Variants in TLR6 observed in about 807,000 individuals in gnomAD.
TLR6 encodes toll-like receptor 6.
TLR6 carries 9 observed loss-of-function variants against 16.1 expected under a neutral mutation model. The ratio of observed to expected loss-of-function variants is 0.56; its 90% confidence interval spans 0.34 to 0.98. TLR6 has a LOEUF of 0.98. Ranked by LOEUF, TLR6 falls within the 50% of genes least tolerant of loss-of-function variation. The pLI is 0.02. For synonymous variants in TLR6, 340 were observed against 338.6 expected, an observed-to-expected ratio of 1.00 and a Z score of -0.04; for missense variants, 786 against 921.0, an observed-to-expected ratio of 0.85 and a Z score of 1.90.
intron 1 of TLR6, among the ~76,000 whole-genome samples, chr4:38,853,350 G>A (rs1712844755): frequency 6.6e-6 from 1 of 150,968 alleles, no homozygotes; most frequent in African/African-American, 2.4e-5. Flanking sequence ...TGCATGTTGT[G>A]CACATGTACC....
chr4:38,861,119 A>G (rs1713184737), upstream of TLR6, among the ~76,000 whole-genome samples: 1 of 151,670 alleles, frequency 6.6e-6, no homozygotes, highest in Non-Finnish European at 1.5e-5. Flanking sequence ...CTACTTCCAG[A>G]TCACTTTCCT....
At chr4:38,844,769 A>G (rs1455768694) in intron 1 of TLR6, among the ~76,000 whole-genome samples, 1 of 152,202 alleles carries the variant, frequency 6.6e-6, no homozygotes, top group Non-Finnish European at 1.5e-5. Flanking sequence ...AAATGTTCTA[A>G]GAGACCTGGC....
the TLR6 span, among the ~76,000 whole-genome samples, chr4:38,865,215 C>T: frequency 6.6e-6 from 1 of 152,010 alleles, no homozygotes; most frequent in Non-Finnish European, 1.5e-5. Flanking sequence ...ATATTTTTTA[C>T]ACAAATAAGT....
chr4:38,847,435 G>A (rs1000756273), intron 1 of TLR6, among the ~76,000 whole-genome samples: 1 of 152,134 alleles, frequency 6.6e-6, no homozygotes, highest in Non-Finnish European at 1.5e-5. Context: ...CGGACAGTGG[G>A]GGCAGGACAG....
upstream of TLR6, among the ~76,000 whole-genome samples, chr4:38,859,968 A>G (rs150336619): frequency 1.5e-3 from 235 of 152,254 alleles, 1 homozygote; most frequent in African/African-American, 5.1e-3. Context: ...TGGGTTAAGT[A>G]TTATAAACAT....
At chr4:38,847,720 G>C (rs1443730127) in intron 1 of TLR6, among the ~76,000 whole-genome samples, 4 of 152,244 alleles carry the variant, frequency 2.6e-5, no homozygotes, top group South Asian at 4.1e-4. Flanking sequence ...CTGCAAGGTG[G>C]CAGTGAGGCT....
chr4:38,826,567 CAGGATAAA>C (rs1214643095), exon 2 of TLR6: 2 of 152,842 alleles, frequency 1.3e-5, no homozygotes, highest in Non-Finnish European at 2.9e-5. Context: ...ATTTGTGTAG[CAGGATAAA>C]AAATTAAATA....
chr4:38,831,596 A>G (rs1443906769), intron 1 of TLR6, among the ~76,000 whole-genome samples: 1 of 152,210 alleles, frequency 6.6e-6, no homozygotes, highest in Non-Finnish European at 1.5e-5. Flanking sequence ...CAGAGAAGAT[A>G]TTTGCAAAAC....
exon 2 of TLR6, chr4:38,826,799 T>G: frequency 4.0e-6 from 1 of 251,766 alleles, no homozygotes. Flanking sequence ...ACAGAATCCA[T>G]TTGGGAAAGC....
rs1712211171 is a variant in TLR6 at position 38,840,608 on chromosome 4, T to C, written c.-64-11071A>G. 2.0e-5 allele frequency among the ~76,000 whole-genome samples: 3 copies of C among 146,476 alleles called. No homozygotes were observed. In the Admixed American group the frequency reaches 2.1e-4, roughly 10 times the overall value. Reference sequence around the variant, plus strand: ...GAGATCGCGCCATTACACTCCAGCCTGGGTGACAGGGCAAGACTCCCTCTC... The same window carrying C: ...GAGATCGCGCCATTACACTCCAGCCCGGGTGACAGGGCAAGACTCCCTCTC... On this transcript the variant is annotated intron_variant, in intron 1 of 1. Coordinates refer to ENST00000436693, the Ensembl canonical transcript of TLR6.
At chr4:38,859,107 T>G (rs1213495746), upstream of TLR6, among the ~76,000 whole-genome samples, 1 of 152,208 alleles carries the variant, frequency 6.6e-6, no homozygotes, top group East Asian at 1.9e-4. Flanking sequence ...CAGCTTGCAC[T>G]GCTGGTCAGT....
intron 1 of TLR6, among the ~76,000 whole-genome samples, chr4:38,847,348 T>C (rs1262350199): frequency 6.6e-6 from 1 of 152,114 alleles, no homozygotes; most frequent in East Asian, 1.9e-4. Flanking sequence ...TCTATAGCTC[T>C]CAGCATAAGT....
At chr4:38,867,817 T>C in the TLR6 span, 1 of 152,694 alleles carries the variant, frequency 6.5e-6, no homozygotes, top group Non-Finnish European at 1.5e-5. Context: ...CTCCCGCGCG[T>C]ACTCGGCCGC....
intron 1 of TLR6, among the ~76,000 whole-genome samples, chr4:38,842,480 G>T (rs1446158376): frequency 2.0e-5 from 3 of 152,218 alleles, no homozygotes; most frequent in Non-Finnish European, 4.4e-5. Context: ...CAAGCCCACA[G>T]ATCCCATGTT....
At chr4:38,856,335 C>A (rs1277887385) in intron 1 of TLR6, among the ~76,000 whole-genome samples, 4 of 152,144 alleles carry the variant, frequency 2.6e-5, no homozygotes, top group African/African-American at 9.7e-5. Flanking sequence ...GTTACAGTGA[C>A]AAACGACAAG....
chr4:38,837,005 A>G (rs1050153544), intron 1 of TLR6, among the ~76,000 whole-genome samples: 3 of 152,084 alleles, frequency 2.0e-5, no homozygotes, highest in Non-Finnish European at 2.9e-5. Context: ...CAAGACAATT[A>G]CAATACCTAG....
chr4:38,842,069 G>A (rs1212921474), intron 1 of TLR6, among the ~76,000 whole-genome samples: 2 of 152,056 alleles, frequency 1.3e-5, no homozygotes, highest in African/African-American at 4.8e-5. Context: ...TGGCACTTGG[G>A]ATTGCATCTT....
At chr4:38,834,408 A>G (rs1179379549) in intron 1 of TLR6, among the ~76,000 whole-genome samples, 3 of 151,542 alleles carry the variant, frequency 2.0e-5, no homozygotes, top group Non-Finnish European at 2.9e-5. Context: ...ACCATTAAGC[A>G]AACAAAATTC....
At chr4:38,835,697 T>A (rs113443092) in intron 1 of TLR6, among the ~76,000 whole-genome samples, 2 of 152,210 alleles carry the variant, frequency 1.3e-5, no homozygotes, top group Non-Finnish European at 1.5e-5. Context: ...TGGAACATTG[T>A]TCAGAATAGA....
Sources: gnomAD v4.1 joint callset for allele counts (sites outside exome capture counted in the v4.1 genomes callset) on GRCh38, gnomAD v4.1.1 for gene constraint, MANE v1.5 for transcripts, NCBI Gene and HGNC (gene_info 2026-07-23, HGNC 2026-07-21) for gene names.